SBNO1: variants seen among roughly 807,000 people sequenced by gnomAD.
The protein encoded by SBNO1 is protein strawberry notch homolog 1.
SBNO1 carries 23 observed loss-of-function variants against 173.6 expected under a neutral mutation model. The ratio of observed to expected loss-of-function variants is 0.13; its 90% CI spans 0.10 to 0.19. The LOEUF (loss-of-function observed/expected upper bound fraction) is 0.19, where lower values mean the gene tolerates loss of function less well. Ranked by LOEUF, SBNO1 falls within the 10% of genes least tolerant of loss-of-function variation. The probability of loss-of-function intolerance (pLI) is 1.00; values close to 1 mark genes in which losing one functional copy is unlikely to be tolerated. For missense variants in SBNO1, 1,238 were observed against 1,671.2 expected, an observed-to-expected ratio of 0.74 and a Z score of 4.52; for synonymous variants, 632 against 571.5, an observed-to-expected ratio of 1.11 and a Z score of -1.51.
At chr12:123,340,101 G>A (rs1239451689) in intron 5 of SBNO1, among the ~76,000 whole-genome samples, 3 of 152,046 alleles carry the variant, frequency 2.0e-5, no homozygotes, top group Non-Finnish European at 4.4e-5. Context: ...ACCATTTGAT[G>A]TACTTTTCAT....
chr12:123,330,397 A>G, intron 9 of SBNO1, 22 bp downstream of exon 9: 1 of 1,330,170 alleles, frequency 7.5e-7, no homozygotes, highest in Non-Finnish European at 1.1e-6. Flanking sequence ...TGAATGACCA[A>G]CTGAATAAAA....
At position 123,309,603 on chromosome 12, in the gene SBNO1, C is replaced by A; in HGVS notation, c.3443-20G>T. 4 of 1,607,460 alleles carry A rather than the reference C, an allele frequency of 2.5e-6. No individual in the cohort carries two copies. The highest frequency in any genetic ancestry group is 3.4e-6 in the Non-Finnish European group (4 of 1,174,560). Reference sequence around the variant, plus strand: ...CAAGATCTTGAACAAGAAAAAGAAACATGTAAATGTAAAAAGAACATTTTT... The same window carrying A: ...CAAGATCTTGAACAAGAAAAAGAAAAATGTAAATGTAAAAAGAACATTTTT... On this transcript the variant is annotated intron_variant, in intron 26 of 31. Coordinates refer to ENST00000602398, the MANE Select transcript of SBNO1 (RefSeq NM_001167856.3).
rs2048551994 is a variant in SBNO1, at chr12:123,294,248, C to G, written c.*1660G>C. 2.0e-5 allele frequency: 2 copies of G among 101,986 alleles called. No individual in the cohort carries two copies. The highest frequency in any genetic ancestry group is 5.5e-5 in the Non-Finnish European group (2 of 36,544). The allele number at this position is 101,986 out of a possible 1,614,324, so 6.3% of individuals were successfully genotyped here. ...AACCAAACTCAGGCTAAAGGAGACA[C>G]AAGAGGATGAACGCCCTAAGCTTTC... On this transcript the variant is annotated 3_prime_UTR_variant, in exon 32 of 32. Transcript: ENST00000602398.
intron 29 of SBNO1, among the ~76,000 whole-genome samples, chr12:123,304,094 C>T (rs2048857202): frequency 1.3e-5 from 2 of 151,994 alleles, no homozygotes; most frequent in South Asian, 4.2e-4. Context: ...CTACGCCTGG[C>T]TATCTTTTCT....
At chr12:123,329,577 T>C (rs191798764) in intron 9 of SBNO1, among the ~76,000 whole-genome samples, 1 of 151,986 alleles carries the variant, frequency 6.6e-6, no homozygotes, top group East Asian at 1.9e-4. Flanking sequence ...TGTGCCTTTC[T>C]AATACTACTC....
chr12:123,326,174 C>A lies in SBNO1; in HGVS notation c.1853G>T (p.Arg618Leu). 6.2e-7 allele frequency: 1 copy of A among 1,607,576 alleles called. No individual in the cohort carries two copies. Residue 618 changes from arginine (R) to leucine (L), a missense_variant, in exon 14 of 32, where the codon CGA (arginine) becomes CTA (leucine). Arg to Leu is a moderately radical substitution (Grantham distance 102, BLOSUM62 -2). Coordinates refer to ENST00000602398, the MANE Select transcript of SBNO1 (RefSeq NM_001167856.3). ...TACTTTTCCATTCTTGATTTCCTCT[C>A]GAGCTAGTTGCACAACCCTTTTAAC... ...SKVKRVVQLA[R>L]EEIKNGKCVV...
At chr12:123,345,759 A>C (rs147688695) in intron 3 of SBNO1, among the ~76,000 whole-genome samples, 189 bp from the exon 4 acceptor site, 21 of 152,084 alleles carry the variant, frequency 1.4e-4, no homozygotes, top group Middle Eastern at 3.4e-3. Context: ...AGCCTTGCCC[A>C]ACTGGGCTCA....
chr12:123,351,972 C>T (rs962180782), intron 1 of SBNO1, among the ~76,000 whole-genome samples: 1 of 151,736 alleles, frequency 6.6e-6, no homozygotes, highest in Admixed American at 6.6e-5. Flanking sequence ...TGGAGTTTGC[C>T]GGGGTGGGGG....
chr12:123,345,854 A>T (rs1362782820), intron 3 of SBNO1, among the ~76,000 whole-genome samples: 2 of 151,836 alleles, frequency 1.3e-5, no homozygotes, highest in Admixed American at 6.6e-5. Context: ...TAGAGATAAG[A>T]GTCTCCCTAT....
intron 24 of SBNO1, among the ~76,000 whole-genome samples, chr12:123,311,741 TA>T (rs1211303628): frequency 2.1e-5 from 3 of 145,348 alleles, no homozygotes; most frequent in African/African-American, 5.0e-5. Context: ...TATATATATA[TA>T]TATATATTTT....
chr12:123,310,978 A>C (rs1022653532), intron 25 of SBNO1, 77 bp downstream of exon 25: 21 of 1,073,368 alleles, frequency 2.0e-5, no homozygotes, highest in Non-Finnish European at 3.0e-5. Flanking sequence ...CTTCCCCTTC[A>C]GCTCAAAAGC....
chr12:123,304,770 G>C, intron 28 of SBNO1, 51 bp from the exon 29 acceptor site: 1 of 1,201,500 alleles, frequency 8.3e-7, no homozygotes. Flanking sequence ...CACACTTTAA[G>C]ACATGTTTCT....
chr12:123,320,656 T>G, intron 18 of SBNO1, 43 bp downstream of exon 18: 1 of 1,596,738 alleles, frequency 6.3e-7, no homozygotes, highest in Non-Finnish European at 8.5e-7. Context: ...TAAATATTTT[T>G]GTTTAAAACA....
intron 2 of SBNO1, among the ~76,000 whole-genome samples, chr12:123,349,493 G>A (rs1331273867): frequency 6.9e-6 from 1 of 144,664 alleles, no homozygotes; most frequent in East Asian, 1.9e-4. Flanking sequence ...GGAAATTAAA[G>A]ATACTCCCAC....
chr12:123,331,717 T>C (rs995414525), intron 7 of SBNO1, among the ~76,000 whole-genome samples: 3 of 152,022 alleles, frequency 2.0e-5, no homozygotes, highest in Non-Finnish European at 4.4e-5. Context: ...GAAACGGGTT[T>C]CACCATGTTA....
chr12:123,364,639 G>A, intron 1 of SBNO1, 62 bp downstream of exon 1: 3 of 915,544 alleles, frequency 3.3e-6, no homozygotes, highest in South Asian at 5.1e-5. Context: ...CCGAGGGTGG[G>A]AGTGGGAGGC....
At chr12:123,363,744 C>A in intron 1 of SBNO1, 1 of 560,008 alleles carries the variant, frequency 1.8e-6, no homozygotes, top group Non-Finnish European at 2.3e-6. Flanking sequence ...AAGCCTCCCA[C>A]AGTAAACCGA....
At chr12:123,361,537 A>C (rs1875170769) in intron 1 of SBNO1, among the ~76,000 whole-genome samples, 1 of 151,700 alleles carries the variant, frequency 6.6e-6, no homozygotes, top group Non-Finnish European at 1.5e-5. Flanking sequence ...AACAAGAGCA[A>C]AACTCCATCT....
chr12:123,301,113 T>C (rs182619561), intron 30 of SBNO1, among the ~76,000 whole-genome samples: 1,598 of 152,086 alleles, frequency 0.011, 9 homozygotes, highest in Middle Eastern at 0.02. Flanking sequence ...GCTCAAGCGA[T>C]TCTCATGCCT....
Sources: allele counts gnomAD v4.1 joint callset (sites outside exome capture counted in the v4.1 genomes callset), GRCh38; gene constraint gnomAD v4.1.1; transcripts MANE v1.5; gene names NCBI Gene and HGNC (gene_info 2026-07-23, HGNC 2026-07-21).